Variants in DLGAP1 observed in about 807,000 individuals in gnomAD.
DLGAP1 encodes the protein disks large-associated protein 1.
DLGAP1 carries 11 observed loss-of-function variants against 90.8 expected under a neutral mutation model. The ratio of observed to expected loss-of-function variants is 0.12; its 90% CI spans 0.08 to 0.20. The LOEUF (loss-of-function observed/expected upper bound fraction) is 0.20, where lower values mean the gene tolerates loss of function less well. Ranked by LOEUF, DLGAP1 falls within the 10% of genes least tolerant of loss-of-function variation. DLGAP1 has a pLI of 1.00. For synonymous variants in DLGAP1, 558 were observed against 540.7 expected (o/e 1.03, Z -0.44); for missense variants, 1,050 against 1,333.8 (o/e 0.79, Z 3.31).
chr18:4,156,597 TA>T (rs1175829274), intron 1 of DLGAP1, among the ~76,000 whole-genome samples: 2 of 152,204 alleles, frequency 1.3e-5, no homozygotes, highest in Admixed American at 1.3e-4. Context: ...AAAATGTTGA[TA>T]ATCATACTCA....
chr18:4,066,407 GAA>G (rs2075370648), intron 2 of DLGAP1, among the ~76,000 whole-genome samples: 2 of 151,860 alleles, frequency 1.3e-5, no homozygotes, highest in South Asian at 2.1e-4. Context: ...ACAAAATAGG[GAA>G]AAGTTTCGCA....
intron 3 of DLGAP1, among the ~76,000 whole-genome samples, chr18:3,920,009 C>T (rs1176257541): frequency 6.6e-6 from 1 of 152,172 alleles, no homozygotes; most frequent in African/African-American, 2.4e-5. Flanking sequence ...TGAAATCTTC[C>T]TTTCCACATC....
At chr18:4,372,150 T>C (rs1189563947) in intron 1 of DLGAP1, among the ~76,000 whole-genome samples, 1 of 152,192 alleles carries the variant, frequency 6.6e-6, no homozygotes, top group Non-Finnish European at 1.5e-5. Context: ...AAATGCAATA[T>C]ATGGTTTATG....
At chr18:3,797,159 T>G (rs1191663219) in intron 5 of DLGAP1, among the ~76,000 whole-genome samples, 4 of 151,950 alleles carry the variant, frequency 2.6e-5, no homozygotes. Flanking sequence ...TGGTGAAACC[T>G]TGACTCTACT....
intron 6 of DLGAP1, among the ~76,000 whole-genome samples, chr18:3,737,556 T>A (rs2062702554): frequency 6.6e-6 from 1 of 151,380 alleles, no homozygotes; most frequent in Non-Finnish European, 1.5e-5. Flanking sequence ...AGAAAAGGCC[T>A]TTGACAAAAT....
intron 5 of DLGAP1, among the ~76,000 whole-genome samples, chr18:3,795,272 C>G (rs1027038119): frequency 1.3e-5 from 2 of 152,138 alleles, no homozygotes; most frequent in African/African-American, 4.8e-5. Context: ...AAGCTAAACA[C>G]TTATTTAAAA....
chr18:4,162,947 T>G (rs2076871753), intron 1 of DLGAP1, among the ~76,000 whole-genome samples: 1 of 152,174 alleles, frequency 6.6e-6, no homozygotes, highest in South Asian at 2.1e-4. Context: ...CATTCTGTTT[T>G]GAGCTAGTCG....
chr18:3,530,969 A>T (rs2144408955), intron 10 of DLGAP1, among the ~76,000 whole-genome samples: 1 of 152,294 alleles, frequency 6.6e-6, no homozygotes, highest in African/African-American at 2.4e-5. Flanking sequence ...GCTGTGAGTG[A>T]GAGAGTGGAC....
chr18:3,600,925 T>TATAGATAG, intron 7 of DLGAP1, among the ~76,000 whole-genome samples: 1 of 87,354 alleles, frequency 1.1e-5, no homozygotes, highest in South Asian at 3.6e-4. Flanking sequence ...GATATAGATA[T>TATAGATAG]ATATAGATAT....
chr18:4,292,011 C>T (rs9950868), intron 1 of DLGAP1, among the ~76,000 whole-genome samples: 38,169 of 151,940 alleles, frequency 0.25, 4,967 homozygotes, highest in African/African-American at 0.28. Flanking sequence ...ACATACACAC[C>T]GTGAATCAGT....
intron 1 of DLGAP1, among the ~76,000 whole-genome samples, chr18:4,258,985 T>C (rs2078152633): frequency 6.6e-6 from 1 of 152,210 alleles, no homozygotes; most frequent in South Asian, 2.1e-4. Flanking sequence ...CCAAGCAAAT[T>C]CTGCAATGCT....
intron 7 of DLGAP1, among the ~76,000 whole-genome samples, chr18:3,598,774 A>G (rs2056741176): frequency 7.1e-6 from 1 of 140,854 alleles, no homozygotes; most frequent in African/African-American, 2.7e-5. Flanking sequence ...GGTCCCCTCC[A>G]TTACTCCTTA....
chr18:4,204,519 G>GTT (rs1309295303), intron 1 of DLGAP1, among the ~76,000 whole-genome samples: 2 of 145,748 alleles, frequency 1.4e-5, no homozygotes, highest in African/African-American at 5.1e-5. Flanking sequence ...TTTTTTTTTT[G>GTT]TTTTTGTTTT....
At chr18:4,387,920 CCATCA>C (rs2082263910) in intron 1 of DLGAP1, among the ~76,000 whole-genome samples, 1 of 121,114 alleles carries the variant, frequency 8.3e-6, no homozygotes, top group African/African-American at 3.0e-5. Context: ...GACAGAGACT[CCATCA>C]CACATACACA....
intron 3 of DLGAP1, among the ~76,000 whole-genome samples, chr18:3,970,932 T>C (rs1220748683): frequency 6.6e-6 from 1 of 152,142 alleles, no homozygotes; most frequent in Non-Finnish European, 1.5e-5. Context: ...TCCACCCTTG[T>C]CTCTGGGCTA....
chr18:3,874,059 C>A, intron 4 of DLGAP1: 1 of 1,522,696 alleles, frequency 6.6e-7, no homozygotes, highest in Non-Finnish European at 8.8e-7. Context: ...AATAAAATCA[C>A]AAATACTACC....
At chr18:4,256,081 C>T (rs58608941) in intron 1 of DLGAP1, among the ~76,000 whole-genome samples, 2,250 of 152,312 alleles carry the variant, frequency 0.015, 51 homozygotes, top group African/African-American at 0.05. Flanking sequence ...TGACTCTCCA[C>T]ATTACTATAA....
intron 7 of DLGAP1, among the ~76,000 whole-genome samples, chr18:3,590,235 T>A (rs565792656): frequency 3.9e-5 from 6 of 152,310 alleles, no homozygotes; most frequent in East Asian, 1.9e-4. Flanking sequence ...AAAAGATTTT[T>A]AAAATCTAAT....
At chr18:4,400,626 C>A (rs760469770) in intron 1 of DLGAP1, among the ~76,000 whole-genome samples, 13 of 151,906 alleles carry the variant, frequency 8.6e-5, no homozygotes. Context: ...GTAGACACAG[C>A]AGCTGAAACC....
Sources: gnomAD v4.1 joint callset for allele counts (sites outside exome capture counted in the v4.1 genomes callset) on GRCh38, gnomAD v4.1.1 for gene constraint, MANE v1.5 for transcripts, NCBI Gene and HGNC (gene_info 2026-07-23, HGNC 2026-07-21) for gene names.